TRIM2: variants seen among roughly 807,000 people sequenced by gnomAD.
The protein encoded by TRIM2 is tripartite motif containing 2, also known as tripartite motif-containing protein 2.
Under a neutral mutation model 75.2 loss-of-function variants are expected in TRIM2, and 20 were observed. That is an observed-to-expected ratio of 0.27 (90% CI 0.19 to 0.39). TRIM2 has a LOEUF of 0.39. Among genes scored for constraint, TRIM2 ranks in the 10% least tolerant of loss-of-function variants. TRIM2 has a pLI of 1.00. For synonymous variants in TRIM2, 373 were observed against 388.3 expected (o/e 0.96, Z 0.46); for missense variants, 660 against 990.8 (o/e 0.67, Z 4.48).
intron 8 of TRIM2, among the ~76,000 whole-genome samples, chr4:153,322,145 C>T (rs1457748134): frequency 2.0e-5 from 3 of 152,100 alleles, no homozygotes; most frequent in Non-Finnish European, 2.9e-5. Flanking sequence ...CACGAGGGCT[C>T]ATGCCTGTAA....
intron 6 of TRIM2, among the ~76,000 whole-genome samples, chr4:153,304,108 T>TTTTC (rs1339516958): frequency 1.3e-5 from 2 of 152,012 alleles, no homozygotes; most frequent in Admixed American, 6.6e-5. Context: ...ATGACTTTTT[T>TTTTC]TTTCTTTCTT....
At chr4:153,194,937 C>T (rs1733616440) in intron 1 of TRIM2, among the ~76,000 whole-genome samples, 1 of 152,164 alleles carries the variant, frequency 6.6e-6, no homozygotes, top group African/African-American at 2.4e-5. Flanking sequence ...CTTCTTGGGG[C>T]TTCTAAGTGG....
At chr4:153,287,774 G>A (rs1760984473) in intron 3 of TRIM2, among the ~76,000 whole-genome samples, 1 of 152,142 alleles carries the variant, frequency 6.6e-6, no homozygotes, top group South Asian at 2.1e-4. Context: ...GCTGTTTTAT[G>A]CAGTTTTATT....
At chr4:153,292,953 A>G in intron 3 of TRIM2, 29 bp from the exon 4 acceptor site, 1 of 1,575,902 alleles carries the variant, frequency 6.3e-7, no homozygotes, top group Admixed American at 1.8e-5. Context: ...ATGGCCCAGA[A>G]CCAGGAACTT....
intron 8 of TRIM2, among the ~76,000 whole-genome samples, chr4:153,319,945 A>G (rs1465374718): frequency 6.6e-6 from 1 of 152,164 alleles, no homozygotes; most frequent in Non-Finnish European, 1.5e-5. Flanking sequence ...GATAGAATGG[A>G]AGTAACCCTT....
chr4:153,160,836 C>T (rs148719078), intron 1 of TRIM2, among the ~76,000 whole-genome samples: 1,607 of 152,066 alleles, frequency 0.011, 58 homozygotes, highest in Admixed American at 0.068. Context: ...ACTCCTGGGC[C>T]GAAGTGATCT....
In TRIM2 at chr4:153,275,805, T is replaced by G. The variant is rs190095316; in HGVS notation, c.216-88T>G. On this transcript the variant is annotated intron_variant, in intron 2 of 11. Coordinates refer to ENST00000338700, the MANE Select transcript of TRIM2 (RefSeq NM_015271.5). ...GGGATGGGAGTTTCTGCCAAATACCTTGTGTAGTCACTGAGAACATGTATG... is the reference window on the plus strand; with the variant it reads ...GGGATGGGAGTTTCTGCCAAATACCGTGTGTAGTCACTGAGAACATGTATG... The G allele has an allele frequency of 7.6e-5, 95 of 1,243,530 alleles. No homozygotes were observed. The African/African-American group carries it at 1.3e-3, about 17-fold the overall frequency. 77.0% of individuals were successfully genotyped at this position (1,243,530 alleles called of 1,614,324 possible).
At chr4:153,255,772 A>G (rs1399228109) in intron 1 of TRIM2, among the ~76,000 whole-genome samples, 3 of 152,258 alleles carry the variant, frequency 2.0e-5, no homozygotes, top group Non-Finnish European at 4.4e-5. Context: ...TCAGCCATAC[A>G]AAGGAACGAA....
chr4:153,229,986 G>GCTA (rs1431547482), intron 1 of TRIM2, among the ~76,000 whole-genome samples: 6 of 152,148 alleles, frequency 3.9e-5, no homozygotes, highest in Non-Finnish European at 8.8e-5. Context: ...AGTTCATTCA[G>GCTA]CTACTATCTA....
intron 1 of TRIM2, chr4:153,222,330 T>A (rs189810411): frequency 6.6e-6 from 1 of 152,186 alleles, no homozygotes; most frequent in East Asian, 2.0e-4. Context: ...TCACTTCCCC[T>A]GAAAGGACAG....
At chr4:153,222,030 GAAGGAAA>G (rs1740594025) in intron 1 of TRIM2, among the ~76,000 whole-genome samples, 10 of 131,462 alleles carry the variant, frequency 7.6e-5, no homozygotes, top group Non-Finnish European at 1.0e-4. Flanking sequence ...AGCAAGGAAG[GAAGGAAA>G]GAGCGAGGAA....
At chr4:153,177,958 C>T (rs1344156695) in intron 1 of TRIM2, among the ~76,000 whole-genome samples, 1 of 152,008 alleles carries the variant, frequency 6.6e-6, no homozygotes, top group African/African-American at 2.4e-5. Context: ...CACACCACCA[C>T]GCCTGGCTAA....
At chr4:153,224,319 C>T (rs115268609) in intron 1 of TRIM2, among the ~76,000 whole-genome samples, 2,730 of 152,306 alleles carry the variant, frequency 0.018, 75 homozygotes, top group African/African-American at 0.06. Context: ...CTCCACCTCC[C>T]TTCTCCCTTA....
intron 4 of TRIM2, among the ~76,000 whole-genome samples, chr4:153,293,412 C>T (rs1374163503): frequency 6.6e-6 from 1 of 152,220 alleles, no homozygotes; most frequent in Non-Finnish European, 1.5e-5. Context: ...ATAAACTGCT[C>T]TCAGGAGAGT....
At chr4:153,310,408 A>G (rs140724631) in intron 6 of TRIM2, 3 of 152,220 alleles carry the variant, frequency 2.0e-5, no homozygotes, top group African/African-American at 7.2e-5. Context: ...AGAGTAAGGC[A>G]TGATCCCAAA....
chr4:153,335,678 A>G lies in TRIM2; in HGVS notation c.*712A>G. The G allele has an allele frequency of 1.0e-6, 1 of 985,484 alleles. No individual in the cohort carries two copies. The allele number at this position is 985,484 out of a possible 1,614,324, so 61.0% of individuals were successfully genotyped here. Reference sequence around the variant, plus strand: ...CAAAGTACTTCTTCAGGGAAACCTGAAATTTCTAATGCCTTGAAAAGCATA... The same window carrying G: ...CAAAGTACTTCTTCAGGGAAACCTGGAATTTCTAATGCCTTGAAAAGCATA... On this transcript the variant is annotated 3_prime_UTR_variant, in exon 12 of 12. Transcript: ENST00000338700.
intron 1 of TRIM2, among the ~76,000 whole-genome samples, chr4:153,233,489 C>A (rs577608408): frequency 3.3e-5 from 5 of 152,076 alleles, no homozygotes; most frequent in Non-Finnish European, 7.4e-5. Context: ...AGTTCTGTAA[C>A]CATGACTACT....
chr4:153,307,154 C>T (rs986432911), intron 6 of TRIM2, among the ~76,000 whole-genome samples: 4 of 152,244 alleles, frequency 2.6e-5, no homozygotes, highest in South Asian at 2.1e-4. Flanking sequence ...ATTTAAAACA[C>T]AGGGATTATA....
chr4:153,229,804 AG>A (rs1301721892), intron 1 of TRIM2, among the ~76,000 whole-genome samples: 40 of 152,378 alleles, frequency 2.6e-4, no homozygotes, highest in African/African-American at 9.4e-4. Context: ...TATTGCACAC[AG>A]TATACTCCAT....
Sources: gnomAD v4.1 joint callset for allele counts (sites outside exome capture counted in the v4.1 genomes callset) on GRCh38, gnomAD v4.1.1 for gene constraint, MANE v1.5 for transcripts, NCBI Gene and HGNC (gene_info 2026-07-23, HGNC 2026-07-21) for gene names.